Variants in LRBA observed in about 807,000 individuals in gnomAD.
The protein encoded by LRBA is lipopolysaccharide-responsive and beige-like anchor protein.
A neutral mutation model predicts 330.0 loss-of-function variants in LRBA; 176 were observed. The observed-to-expected ratio is 0.53, with a 90% CI of 0.47 to 0.60. The LOEUF (loss-of-function observed/expected upper bound fraction) is 0.60. Among genes scored for constraint, LRBA ranks in the 20% least tolerant of loss-of-function variants. LRBA has a pLI of 0.00. For synonymous variants in LRBA, 1,230 were observed against 1,193.0 expected, an observed-to-expected ratio of 1.03 and a Z score of -0.64; for missense variants, 3,259 against 3,444.8, an observed-to-expected ratio of 0.95 and a Z score of 1.35.
At chr4:150,998,977 C>A (rs546687214) in intron 2 of LRBA, among the ~76,000 whole-genome samples, 11 of 152,230 alleles carry the variant, frequency 7.2e-5, no homozygotes, top group African/African-American at 2.7e-4. Flanking sequence ...ACATTCATCA[C>A]TTCGTTATAC....
intron 44 of LRBA, among the ~76,000 whole-genome samples, chr4:150,445,656 C>A (rs913297382): frequency 1.3e-5 from 2 of 151,736 alleles, no homozygotes; most frequent in Non-Finnish European, 2.9e-5. Context: ...AATATTAAAT[C>A]GTTTTAAAAA....
At chr4:150,660,239 G>A (rs1203794016) in intron 37 of LRBA, among the ~76,000 whole-genome samples, 3 of 7,410 alleles carry the variant, frequency 4.0e-4, no homozygotes, top group South Asian at 5.6e-3. Context: ...CAGCCGCCCC[G>A]TCCGGGAGGG....
intron 42 of LRBA, among the ~76,000 whole-genome samples, chr4:150,483,650 TA>T (rs1561240253): frequency 1.3e-5 from 2 of 152,012 alleles, no homozygotes; most frequent in Middle Eastern, 3.4e-3. Context: ...CCAATTTCTT[TA>T]AAAAAGAAAG....
At chr4:150,490,714 A>C (rs981050211) in intron 41 of LRBA, among the ~76,000 whole-genome samples, 12 of 151,938 alleles carry the variant, frequency 7.9e-5, no homozygotes, top group African/African-American at 2.7e-4. Context: ...ATGGCAAAAA[A>C]AAGAAAAGAA....
Position 150,776,180 on chromosome 4 carries a change from AGTGGTGCACGC to A in LRBA, c.5581-14344_5581-14334del, listed in dbSNP as rs1483177415. 2.0e-5 allele frequency among the ~76,000 whole-genome samples: 3 copies of A among 152,132 alleles called. No individual in the cohort carries two copies. In the East Asian group the frequency reaches 5.8e-4, roughly 29 times the overall value. ...GAAACAGTAATTCATGGCTGGGTGCAGTGGTGCACGCCTATAATCCTAGCCACTAGGGAGGC... is the reference window on the plus strand; with the variant it reads ...GAAACAGTAATTCATGGCTGGGTGCACTATAATCCTAGCCACTAGGGAGGC... On this transcript the variant is annotated intron_variant, in intron 34 of 56. Transcript: ENST00000651943.
chr4:150,602,065 A>T (rs1224322823), intron 37 of LRBA, among the ~76,000 whole-genome samples: 1 of 152,180 alleles, frequency 6.6e-6, no homozygotes, highest in East Asian at 1.9e-4. Context: ...CCACAGCATG[A>T]TAATATTTAC....
intron 2 of LRBA, among the ~76,000 whole-genome samples, chr4:150,993,935 G>A (rs1328551219): frequency 6.6e-6 from 1 of 151,938 alleles, no homozygotes; most frequent in South Asian, 2.1e-4. Flanking sequence ...CGTGGTGGCA[G>A]GCACCTGTAA....
At chr4:150,580,603 G>A (rs1355108528) in intron 40 of LRBA, 1 of 152,014 alleles carries the variant, frequency 6.6e-6, no homozygotes, top group Non-Finnish European at 1.5e-5. Context: ...ACCCAGGGCT[G>A]GAATATAACC....
At chr4:150,435,341 A>G (rs1750973545) in intron 46 of LRBA, among the ~76,000 whole-genome samples, 1 of 152,098 alleles carries the variant, frequency 6.6e-6, no homozygotes, top group Admixed American at 6.6e-5. Flanking sequence ...ACAGAGCAAG[A>G]CTCTGTCTCC....
Position 150,622,281 on chromosome 4 carries a change from G to A in LRBA, c.5922-23150C>T, listed in dbSNP as rs555440973. 3.3e-5 allele frequency among the ~76,000 whole-genome samples: 5 copies of A among 152,336 alleles called. 1 individual carries two copies. In the South Asian group the frequency reaches 1.0e-3, roughly 32 times the overall value. On this transcript the variant is annotated intron_variant, in intron 37 of 56. Transcript: ENST00000651943. ...GGAATTTCTAAAAGACAGATCATGT[G>A]TAACTCCAGCACTTTGGGAGGCTGA...
chr4:150,418,961 A>C (rs1173067821), intron 46 of LRBA, among the ~76,000 whole-genome samples: 1 of 149,776 alleles, frequency 6.7e-6, no homozygotes, highest in Non-Finnish European at 1.5e-5. Flanking sequence ...TACAGTCAGC[A>C]TTTTTTTTTT....
At chr4:150,501,161 A>G (rs2152117698) in intron 40 of LRBA, among the ~76,000 whole-genome samples, 1 of 152,344 alleles carries the variant, frequency 6.6e-6, no homozygotes, top group Non-Finnish European at 1.5e-5. Flanking sequence ...GCGTAACTCC[A>G]TATTGTTGCA....
At chr4:150,267,500 A>AAACTT (rs1271106636) in intron 56 of LRBA, among the ~76,000 whole-genome samples, 2 of 152,328 alleles carry the variant, frequency 1.3e-5, no homozygotes, top group East Asian at 3.9e-4. Flanking sequence ...CAACAAGCCA[A>AAACTT]AACTTATGAA....
At chr4:150,437,601 T>C (rs541091731) in intron 44 of LRBA, among the ~76,000 whole-genome samples, 2 of 150,896 alleles carry the variant, frequency 1.3e-5, no homozygotes, top group African/African-American at 4.9e-5. Context: ...GATTATGAAC[T>C]TATACTGGAA....
At chr4:150,581,972 T>C (rs1771417166) in intron 40 of LRBA, 1 of 113,876 alleles carries the variant, frequency 8.8e-6, no homozygotes. Context: ...CAGAGAGAGT[T>C]AGAGGAAAGA....
At chr4:150,346,487 T>A (rs1736323725) in intron 48 of LRBA, among the ~76,000 whole-genome samples, 1 of 151,512 alleles carries the variant, frequency 6.6e-6, no homozygotes, top group Non-Finnish European at 1.5e-5. Flanking sequence ...TGTGGCCGGG[T>A]GCGGTGGCTC....
At chr4:150,940,462 T>C (rs1735547996) in intron 2 of LRBA, among the ~76,000 whole-genome samples, 1 of 152,214 alleles carries the variant, frequency 6.6e-6, no homozygotes, top group African/African-American at 2.4e-5. Flanking sequence ...GAAAAAGAGA[T>C]TCCAAGTAAA....
intron 37 of LRBA, among the ~76,000 whole-genome samples, chr4:150,671,029 TGTGTGTGTGTGTGA>T (rs1445679906): frequency 7.5e-5 from 11 of 147,556 alleles, no homozygotes; most frequent in African/African-American, 2.0e-4. Flanking sequence ...TGTGTGTGTG[TGTGTGTGTGTGTGA>T]GAGAGAGAGA....
At chr4:150,637,222 T>C (rs1778013672) in intron 37 of LRBA, among the ~76,000 whole-genome samples, 1 of 152,186 alleles carries the variant, frequency 6.6e-6, no homozygotes, top group South Asian at 2.1e-4. Context: ...AGTGGTACAT[T>C]GGCAAGTATC....
Sources: allele counts gnomAD v4.1 joint callset (sites outside exome capture counted in the v4.1 genomes callset), GRCh38; gene constraint gnomAD v4.1.1; transcripts MANE v1.5; gene names NCBI Gene and HGNC (gene_info 2026-07-23, HGNC 2026-07-21).